Variants in DCC observed in about 807,000 individuals in gnomAD.
DCC encodes the protein netrin receptor DCC.
Under a neutral mutation model 172.5 loss-of-function variants are expected in DCC, and 58 were observed. The observed-to-expected ratio is 0.34, with a 90% CI of 0.27 to 0.42. The LOEUF is 0.42. Among genes scored for constraint, DCC ranks in the 10% least tolerant of loss-of-function variants. The pLI, the probability that DCC is intolerant of heterozygous loss-of-function variation, is 1.00. For missense variants in DCC, 1,740 were observed against 1,791.0 expected (o/e 0.97, Z 0.51); for synonymous variants, 709 against 644.5 (o/e 1.10, Z -1.52).
chr18:52,416,423 G>A (rs1236736527), intron 1 of DCC, among the ~76,000 whole-genome samples: 2 of 151,802 alleles, frequency 1.3e-5, no homozygotes, highest in East Asian at 1.9e-4. Flanking sequence ...ATTCCTGGGT[G>A]TTCTTGTTAA....
intron 3 of DCC, among the ~76,000 whole-genome samples, chr18:52,907,932 C>G (rs1397702159): frequency 6.6e-6 from 1 of 152,140 alleles, no homozygotes; most frequent in African/African-American, 2.4e-5. Context: ...ACTTTCTCTT[C>G]TCTGGGAAAT....
intron 2 of DCC, chr18:52,818,271 G>C (rs1437138354): frequency 6.6e-6 from 1 of 151,906 alleles, no homozygotes; most frequent in African/African-American, 2.4e-5. Context: ...AATTAGCTGA[G>C]TGTAGTGGTG....
At chr18:52,482,747 C>G (rs370883506) in intron 1 of DCC, among the ~76,000 whole-genome samples, 4 of 152,080 alleles carry the variant, frequency 2.6e-5, no homozygotes, top group South Asian at 2.1e-4. Context: ...TCCAAAACAG[C>G]CTTCTTGAAG....
At chr18:52,668,277 T>C (rs2035490908) in intron 1 of DCC, among the ~76,000 whole-genome samples, 1 of 152,220 alleles carries the variant, frequency 6.6e-6, no homozygotes, top group African/African-American at 2.4e-5. Context: ...ATTTTCAATA[T>C]ATTCAAAATA....
At chr18:53,096,126 G>T (rs1444759903) in intron 7 of DCC, among the ~76,000 whole-genome samples, 3 of 151,948 alleles carry the variant, frequency 2.0e-5, no homozygotes, top group Non-Finnish European at 4.4e-5. Context: ...AGCACATTAT[G>T]CACATGTACC....
intron 12 of DCC, among the ~76,000 whole-genome samples, chr18:53,243,796 C>T (rs2056334341): frequency 6.6e-6 from 1 of 152,152 alleles, no homozygotes; most frequent in African/African-American, 2.4e-5. Context: ...ACAGATCTGA[C>T]TCCCCGATTC....
At chr18:52,693,963 G>A (rs1463426092) in intron 1 of DCC, among the ~76,000 whole-genome samples, 1 of 152,122 alleles carries the variant, frequency 6.6e-6, no homozygotes, top group Non-Finnish European at 1.5e-5. Flanking sequence ...GCAGGACTTA[G>A]TGACTCATAT....
At chr18:53,374,010 A>C (rs1464205904) in intron 15 of DCC, among the ~76,000 whole-genome samples, 1 of 152,234 alleles carries the variant, frequency 6.6e-6, no homozygotes, top group Non-Finnish European at 1.5e-5. Flanking sequence ...TTTACACTGA[A>C]TCTGCTTCAT....
chr18:52,634,674 T>C (rs2034739312), intron 1 of DCC, among the ~76,000 whole-genome samples: 2 of 152,232 alleles, frequency 1.3e-5, no homozygotes, highest in Non-Finnish European at 2.9e-5. Flanking sequence ...ATTGGTTTTA[T>C]TTAACAGTAT....
At chr18:52,674,424 G>C (rs1369444559) in intron 1 of DCC, among the ~76,000 whole-genome samples, 1 of 152,114 alleles carries the variant, frequency 6.6e-6, no homozygotes, top group African/African-American at 2.4e-5. Context: ...CAGATTGGAT[G>C]GTGTCTACCC....
intron 1 of DCC, among the ~76,000 whole-genome samples, chr18:52,603,747 G>T (rs1259638911): frequency 6.6e-6 from 1 of 151,410 alleles, no homozygotes; most frequent in African/African-American, 2.4e-5. Context: ...CCTGAAGAGA[G>T]AATTTTTTTG....
At chr18:52,765,770 G>C (rs956607893) in intron 2 of DCC, among the ~76,000 whole-genome samples, 1 of 152,176 alleles carries the variant, frequency 6.6e-6, no homozygotes, top group Non-Finnish European at 1.5e-5. Flanking sequence ...ACGGTGGTTA[G>C]GGACACAGGC....
chr18:53,395,874 C>T (rs1309442723), intron 17 of DCC, among the ~76,000 whole-genome samples: 2 of 152,090 alleles, frequency 1.3e-5, no homozygotes, highest in African/African-American at 2.4e-5. Flanking sequence ...AACTCCTGAC[C>T]TCGAGTGATC....
chr18:52,396,265 G>C (rs1986223288), intron 1 of DCC, among the ~76,000 whole-genome samples: 1 of 150,338 alleles, frequency 6.7e-6, no homozygotes, highest in African/African-American at 2.5e-5. Context: ...AATAACACTG[G>C]AAAAACCTGC....
intron 1 of DCC, among the ~76,000 whole-genome samples, chr18:52,459,617 G>A (rs1262476059): frequency 6.6e-6 from 1 of 151,798 alleles, no homozygotes; most frequent in Non-Finnish European, 1.5e-5. Context: ...ACAGGTGCCC[G>A]CCACCACGCC....
chr18:53,048,489 T>TTG (rs71175550), intron 5 of DCC, among the ~76,000 whole-genome samples: 17,651 of 139,216 alleles, frequency 0.13, 1,162 homozygotes, highest in Non-Finnish European at 0.16. Context: ...ACTCCATGGT[T>TTG]TGTGTGTGTG....
chr18:53,024,910 GACCTAC>G (rs2041935512), intron 5 of DCC, among the ~76,000 whole-genome samples: 1 of 151,994 alleles, frequency 6.6e-6, no homozygotes, highest in South Asian at 2.1e-4. Flanking sequence ...ATACCTCTTT[GACCTAC>G]CATCTTCATA....
chr18:52,600,623 T>C lies in DCC; in HGVS notation c.92-151431T>C, dbSNP rs891250176. On this transcript the variant is annotated intron_variant, in intron 1 of 28. Transcript: ENST00000442544. Reference sequence around the variant, plus strand: ...ACGTCTTTACCATTGACTCTTTTTATAGATAATCTTTGCATTTATTACTTC... The same window carrying C: ...ACGTCTTTACCATTGACTCTTTTTACAGATAATCTTTGCATTTATTACTTC... 4.6e-5 allele frequency among the ~76,000 whole-genome samples: 7 copies of C among 152,204 alleles called. No individual in the cohort carries two copies. The East Asian group carries it at 1.3e-3, about 29-fold the overall frequency.
At chr18:53,429,780 G>GTA (rs1911490422) in intron 21 of DCC, among the ~76,000 whole-genome samples, 1 of 152,082 alleles carries the variant, frequency 6.6e-6, no homozygotes, top group Non-Finnish European at 1.5e-5. Context: ...CTCAATATTG[G>GTA]ACAGGCATAG....
Sources: gnomAD v4.1 joint callset for allele counts (sites outside exome capture counted in the v4.1 genomes callset) on GRCh38, gnomAD v4.1.1 for gene constraint, MANE v1.5 for transcripts, NCBI Gene and HGNC (gene_info 2026-07-23, HGNC 2026-07-21) for gene names.